Variants in YOD1 observed in about 807,000 individuals in gnomAD.
YOD1 encodes YOD1 deubiquitinase, also known as ubiquitin thioesterase OTU1.
Under a neutral mutation model 23.7 loss-of-function variants are expected in YOD1, and 17 were observed. The ratio of observed to expected loss-of-function variants is 0.72; its 90% CI spans 0.49 to 1.07. The LOEUF is 1.07. Ranked by LOEUF, YOD1 falls within the 50% of genes least tolerant of loss-of-function variation. YOD1 has a pLI of 0.00. For missense variants in YOD1, 413 were observed against 447.2 expected, an observed-to-expected ratio of 0.92 and a Z score of 0.69; for synonymous variants, 191 against 169.6, an observed-to-expected ratio of 1.13 and a Z score of -0.98.
In YOD1 at chr1:207,046,732, A is replaced by G. The variant is rs2102322970; in HGVS notation, c.*2288T>C. The G allele has an allele frequency of 6.6e-6, 1 of 152,254 alleles. No homozygotes were observed. Among genetic ancestry groups the G allele is most frequent in the South Asian group, 2.1e-4 (1 of 4,832 alleles). The allele number at this position is 152,254 out of a possible 1,614,324, so 9.4% of individuals were successfully genotyped here. ...ACAATGAAGGGGTTTAATTCTGTAA[A>G]ATATCAGTGTTCTATTCCTTTCCAT... On this transcript the variant is annotated 3_prime_UTR_variant, in exon 2 of 2. Transcript: ENST00000315927.
In YOD1 at chr1:207,049,029, T is replaced by C. The variant is rs767930885; in HGVS notation, c.1038A>G (p.Gly346=). The C allele has an allele frequency of 6.2e-7, 1 of 1,613,342 alleles. No individual in the cohort carries two copies. Among genetic ancestry groups the C allele is most frequent in the Non-Finnish European group, 8.5e-7 (1 of 1,179,590 alleles). Reference sequence around the variant, plus strand: ...CTCATTCATGCATAGGTCACACTTCTCCAAAGTTGGTATGGCCTGTCTCCT... The same window carrying C: ...CTCATTCATGCATAGGTCACACTTCCCCAAAGTTGGTATGGCCTGTCTCCT... ...HAKETGHTNF[G]EV Residue 346 remains glycine (G), a synonymous_variant, in exon 2 of 2, where the codon GGA becomes GGG. Transcript: ENST00000315927.
Position 207,051,039 on chromosome 1 carries a change from G to A in YOD1, c.-9C>T. The stretch of plus-strand genomic sequence containing the variant: ...TTAGCGGGGCCAAACATCGCGAGAA[G>A]TTGCGGGTGGTTGCAGTTATCGCGA... On this transcript the variant is annotated 5_prime_UTR_variant, in exon 1 of 2. Transcript: ENST00000315927. 6.7e-7 allele frequency: 1 copy of A among 1,491,330 alleles called. No individual in the cohort carries two copies. The highest frequency in any genetic ancestry group is 8.9e-7 in the Non-Finnish European group (1 of 1,122,212). The allele number at this position is 1,491,330 out of a possible 1,614,324, so 92.4% of individuals were successfully genotyped here.
chr1:207,050,947 C>T lies in YOD1; in HGVS notation c.84G>A (p.Gly28=). The T allele has an allele frequency of 7.6e-6, 12 of 1,574,806 alleles. No homozygotes were observed. Among genetic ancestry groups the T allele is most frequent in the Non-Finnish European group, 1.0e-5 (12 of 1,159,360 alleles). Residue 28 remains glycine, a synonymous_variant, in exon 1 of 2, where the codon GGG becomes GGA. Coordinates refer to ENST00000315927, the MANE Select transcript of YOD1 (RefSeq NM_018566.4). ...FPGGVSQQAA[G]TKAGPAGAWP... The stretch of plus-strand genomic sequence containing the variant: ...AGGCACCCGCGGGGCCAGCTTTGGT[C>T]CCGGCAGCCTGTTGGGAGACGCCGC...
Position 207,047,739 on chromosome 1 carries a change from A to C in YOD1, c.*1281T>G, listed in dbSNP as rs1465579917. On this transcript the variant is annotated 3_prime_UTR_variant, in exon 2 of 2. Transcript: ENST00000315927. The stretch of plus-strand genomic sequence containing the variant: ...TGGCTACACATCTAGTACTAGGAAG[A>C]AGCAGAATTCTGAGAAAGCTGCATA... The C allele has an allele frequency of 2.6e-5, 4 of 152,628 alleles. No individual in the cohort carries two copies. 9.5% of individuals were successfully genotyped at this position (152,628 alleles called of 1,614,324 possible).
At position 207,046,254 on chromosome 1, in the gene YOD1, C is replaced by A. The variant is rs1682599199; in HGVS notation, c.*2766G>T. 6.6e-6 allele frequency: 1 copy of A among 151,974 alleles called. No individual in the cohort carries two copies. The highest frequency in any genetic ancestry group is 2.1e-4 in the South Asian group (1 of 4,828). The allele number at this position is 151,974 out of a possible 1,614,324, so 9.4% of individuals were successfully genotyped here. ...TGAATAGGAAAGATTTCATTCTGCT[C>A]TAGTACAAAACTTAAGACATTTAAT... On this transcript the variant is annotated 3_prime_UTR_variant, in exon 2 of 2. Coordinates refer to ENST00000315927, the MANE Select transcript of YOD1 (RefSeq NM_018566.4).
intron 1 of YOD1, 85 bp from the exon 2 acceptor site, chr1:207,049,808 C>G (rs1682692229): frequency 5.4e-6 from 7 of 1,292,664 alleles, no homozygotes; most frequent in South Asian, 4.5e-5. Context: ...AAATTACAAA[C>G]TGAAGGAGTT....
intron 1 of YOD1, among the ~76,000 whole-genome samples, chr1:207,050,450 T>C (rs1397307412): frequency 2.0e-5 from 3 of 152,110 alleles, no homozygotes; most frequent in Non-Finnish European, 4.4e-5. Flanking sequence ...GAAAGCGGAA[T>C]GGGGAAGGGG....
rs902748787 is a variant in YOD1, at chr1:207,048,009, T to G, written c.*1011A>C. On this transcript the variant is annotated 3_prime_UTR_variant, in exon 2 of 2. Coordinates refer to ENST00000315927, the MANE Select transcript of YOD1 (RefSeq NM_018566.4). ...CCAACCCAAAGCAGAGCATTATTAC[T>G]TGAAAAAAATTTTTTGGAGGAAGTG... 1.3e-5 allele frequency: 2 copies of G among 152,360 alleles called. No individual in the cohort carries two copies. Among genetic ancestry groups the G allele is most frequent in the African/African-American group, 4.8e-5 (2 of 41,450 alleles). The allele number at this position is 152,360 out of a possible 1,614,324, so 9.4% of individuals were successfully genotyped here. A position where few individuals can be genotyped will look rare whatever the true frequency, so the allele number is the denominator to read the frequency against.
rs1441934448 is a variant in YOD1 at position 207,050,984 on chromosome 1, G to C, written c.47C>G (p.Pro16Arg). ...TTGGGAGACGCCGCCGGGGAAACCA[G>C]GCGCCGGGTGGACTCCAAAATGGCG... ...KGRHFGVHPA[P>R]GFPGGVSQQA... The change falls in exon 1 of 2, where the codon CCT (proline) becomes CGT (arginine). Residue 16 changes from proline (P) to arginine (R), a missense_variant. By Grantham distance (103) the Pro-to-Arg change is moderately radical (BLOSUM62 -2). Transcript: ENST00000315927. The C allele has an allele frequency of 3.3e-6, 5 of 1,532,874 alleles. No individual in the cohort carries two copies. Among genetic ancestry groups the C allele is most frequent in the Admixed American group, 4.1e-5 (2 of 48,696 alleles). The allele number at this position is 1,532,874 out of a possible 1,614,324, so 95.0% of individuals were successfully genotyped here. A position where few individuals can be genotyped will look rare whatever the true frequency, so the allele number is the denominator to read the frequency against.
In YOD1 at chr1:207,047,385, A is replaced by T. The variant is rs1682625667; in HGVS notation, c.*1635T>A. 6.6e-6 allele frequency: 1 copy of T among 152,496 alleles called. No individual in the cohort carries two copies. Among genetic ancestry groups the T allele is most frequent in the African/African-American group, 2.4e-5 (1 of 41,446 alleles). The allele number at this position is 152,496 out of a possible 1,614,324, so 9.4% of individuals were successfully genotyped here. ...CTCTTATATTGTTCAAATGTTCCTT[A>T]ATTTTATATGGCCACCTTCACCAAG... On this transcript the variant is annotated 3_prime_UTR_variant, in exon 2 of 2. Coordinates refer to ENST00000315927, the MANE Select transcript of YOD1 (RefSeq NM_018566.4).
chr1:207,053,041 G>C (rs1682799486), upstream of YOD1: 1 of 152,218 alleles, frequency 6.6e-6, no homozygotes, highest in South Asian at 2.1e-4. Flanking sequence ...AGCCCTATTA[G>C]TTACCAAGCA....
At position 207,050,737 on chromosome 1, in the gene YOD1, C is replaced by G. The variant is rs756132331; in HGVS notation, c.294G>C (p.Leu98=). 2 of 1,613,362 alleles carry G rather than the reference C, an allele frequency of 1.2e-6. No individual in the cohort carries two copies. The highest frequency in any genetic ancestry group is 3.3e-5 in the Admixed American group (2 of 60,032). ...RILVGYPPEC[L]DLSNGDTILE... ...GAATGGTATCCCCATTGCTGAGATC[C>G]AGGCACTCGGGAGGGTATCCGACGA... The change falls in exon 1 of 2, where the codon CTG becomes CTC. Residue 98 remains leucine, a synonymous_variant. Transcript: ENST00000315927.
upstream of YOD1, chr1:207,052,046 C>A: frequency 1.5e-6 from 1 of 689,116 alleles, no homozygotes; most frequent in Non-Finnish European, 2.5e-6. Context: ...CTCTCTTTTC[C>A]AAGAAATCCA....
In YOD1 at chr1:207,051,140, C is replaced by T. The variant is rs1230322081; in HGVS notation, c.-110G>A. ...AAAGTGACAACTGATTTTTCCCCCA[C>T]CCTCAGAACGAAGATGTAAACCTCC... On this transcript the variant is annotated 5_prime_UTR_variant, in exon 1 of 2. It adds an upstream start codon to the 5' untranslated region. Transcript: ENST00000315927. The T allele has an allele frequency of 1.4e-5, 20 of 1,421,842 alleles. No individual in the cohort carries two copies. Among genetic ancestry groups the T allele is most frequent in the South Asian group, 4.6e-5 (3 of 65,258 alleles). The allele number at this position is 1,421,842 out of a possible 1,614,324, so 88.1% of individuals were successfully genotyped here. A position where few individuals can be genotyped will look rare whatever the true frequency, so the allele number is the denominator to read the frequency against.
rs561023930 is a variant in YOD1 at position 207,050,954 on chromosome 1, G to A, written c.77C>T (p.Ala26Val). 6.4e-6 allele frequency: 10 copies of A among 1,567,814 alleles called. No homozygotes were observed. The highest frequency in any genetic ancestry group is 5.7e-5 in the South Asian group (5 of 87,730). The part of the protein sequence containing the change: ...PGFPGGVSQQ[A>V]AGTKAGPAGA... ...CGCGGGGCCAGCTTTGGTCCCGGCA[G>A]CCTGTTGGGAGACGCCGCCGGGGAA... The change falls in exon 1 of 2, where the codon GCT becomes GTT. Residue 26 changes from alanine (A) to valine (V), a missense_variant. Ala to Val is a moderately conservative substitution (Grantham distance 64). Transcript: ENST00000315927.
chr1:207,049,698 G>C lies in YOD1; in HGVS notation c.369C>G (p.Asp123Glu), dbSNP rs776563979. Reference protein sequence around the residue: ...QSGDMLIIEEDQTRPRSSPAF... With the variant: ...QSGDMLIIEEEQTRPRSSPAF... The stretch of plus-strand genomic sequence containing the variant: ...CAGGTGAACTTCTGGGCCTGGTTTG[G>C]TCTTCTTCAATGATCAGCATGTCAC... Residue 123 changes from aspartate to glutamate, a missense_variant, in exon 2 of 2, where the codon GAC (aspartate) becomes GAG (glutamate). Physicochemically the swap from Asp to Glu is conservative, Grantham distance 45. Coordinates refer to ENST00000315927, the MANE Select transcript of YOD1 (RefSeq NM_018566.4). 1 of 1,613,898 alleles carries C rather than the reference G, an allele frequency of 6.2e-7. No individual in the cohort carries two copies. Among genetic ancestry groups the C allele is most frequent in the Admixed American group, 1.7e-5 (1 of 59,994 alleles).
upstream of YOD1, chr1:207,052,953 C>G (rs534945304): frequency 6.6e-6 from 1 of 152,310 alleles, no homozygotes; most frequent in African/African-American, 2.4e-5. Flanking sequence ...CCGGCACACC[C>G]GCTCTCAAGA....
Position 207,044,464 on chromosome 1 carries a change from C to G in YOD1, c.*4556G>C, listed in dbSNP as rs1321642567. 6.6e-6 allele frequency: 1 copy of G among 152,500 alleles called. No individual in the cohort carries two copies. The highest frequency in any genetic ancestry group is 1.9e-4 in the East Asian group (1 of 5,204). 9.4% of individuals were successfully genotyped at this position (152,500 alleles called of 1,614,324 possible). A position where few individuals can be genotyped will look rare whatever the true frequency, so the allele number is the denominator to read the frequency against. ...CCTATACCAGTTTATAAAGTAGACT[C>G]ATGTAATCATATTAGAAATTCTGAG... On this transcript the variant is annotated 3_prime_UTR_variant, in exon 2 of 2. Coordinates refer to ENST00000315927, the MANE Select transcript of YOD1 (RefSeq NM_018566.4).
In YOD1 at chr1:207,050,834, C is replaced by T. The variant is rs1682726628; in HGVS notation, c.197G>A (p.Arg66Gln). 3 of 1,613,016 alleles carry T rather than the reference C, an allele frequency of 1.9e-6. No individual in the cohort carries two copies. The South Asian group carries it at 3.3e-5, about 18-fold the overall frequency. ...GTHVLQGLSSRTRVRELQGQI... is the reference protein window; with the variant it reads ...GTHVLQGLSSQTRVRELQGQI... ...GCCCTGGAGTTCCCGCACCCGGGTC[C>T]GGCTGGACAGCCCCTGCAAAACATG... is the stretch of plus-strand genomic sequence containing the variant. Residue 66 changes from arginine to glutamine, a missense_variant, in exon 1 of 2, where the codon CGG becomes CAG. Physicochemically the swap from Arg to Gln is conservative, Grantham distance 43. Coordinates refer to ENST00000315927, the MANE Select transcript of YOD1 (RefSeq NM_018566.4).
Sources: gnomAD v4.1 joint callset for allele counts (sites outside exome capture counted in the v4.1 genomes callset) on GRCh38, gnomAD v4.1.1 for gene constraint, MANE v1.5 for transcripts, NCBI Gene and HGNC (gene_info 2026-07-23, HGNC 2026-07-21) for gene names.